The following FAT4 variants were observed in gnomAD, a reference collection of about 807,000 sequenced individuals.
FAT4 encodes protocadherin Fat 4.
Under a neutral mutation model 303.9 loss-of-function variants are expected in FAT4, and 84 were observed. That is an observed-to-expected ratio of 0.28 (90% CI 0.23 to 0.33). The LOEUF is 0.33. FAT4 is among the 10% of genes least tolerant of loss of function. FAT4 has a pLI of 1.00. For missense variants in FAT4, 6,005 were observed against 6,146.8 expected (o/e 0.98, Z 0.77); for synonymous variants, 2,307 against 2,298.8 (o/e 1.00, Z -0.10).
chr4:125,397,652 TA>T (rs1734235186), intron 2 of FAT4, among the ~76,000 whole-genome samples: 1 of 152,204 alleles, frequency 6.6e-6, no homozygotes, highest in Non-Finnish European at 1.5e-5. Context: ...TCTATTTTTA[TA>T]AATTGCTCAT....
At position 125,320,048 on chromosome 4, in the gene FAT4, G is replaced by C; in HGVS notation, c.3637G>C (p.Asp1213His). Residue 1213 changes from aspartate (D) to histidine (H), a missense_variant, in exon 2 of 18, where the codon GAC becomes CAC. Asp to His is a moderately conservative substitution (Grantham distance 81). Coordinates refer to ENST00000394329, the MANE Select transcript of FAT4 (RefSeq NM_001291303.3). ...INDNAPKFLK[D>H]FYQATISESA... is the part of the protein sequence containing the mutation. ...TGATAATGCTCCCAAATTTTTAAAA[G>C]ACTTTTACCAAGCTACAATATCAGA... The C allele has an allele frequency of 6.2e-7, 1 of 1,613,726 alleles. No homozygotes were observed. Among genetic ancestry groups the C allele is most frequent in the Non-Finnish European group, 8.5e-7 (1 of 1,180,008 alleles).
intron 17 of FAT4, among the ~76,000 whole-genome samples, chr4:125,488,150 G>T (rs1010538500): frequency 6.6e-6 from 1 of 152,182 alleles, no homozygotes; most frequent in Non-Finnish European, 1.5e-5. Flanking sequence ...TGATGAGGAG[G>T]ATGAAAGTGT....
chr4:125,417,808 G>A (rs944761523), intron 7 of FAT4, among the ~76,000 whole-genome samples: 3 of 152,088 alleles, frequency 2.0e-5, no homozygotes, highest in Admixed American at 6.6e-5. Context: ...ACTGTTTTTC[G>A]AGTCGCTCTG....
intron 2 of FAT4, among the ~76,000 whole-genome samples, chr4:125,391,994 G>A (rs1912044): frequency 0.52 from 78,948 of 151,928 alleles, 21,068 homozygotes; most frequent in East Asian, 0.78. Context: ...GAATGAGCAG[G>A]ACACATTATT....
intron 12 of FAT4, among the ~76,000 whole-genome samples, chr4:125,472,004 C>T (rs1479332668): frequency 7.6e-6 from 1 of 131,828 alleles, no homozygotes; most frequent in Non-Finnish European, 1.6e-5. Context: ...ACCTGGGAGG[C>T]GGAGCTTGCA....
chr4:125,330,386 A>T (rs66521245), intron 2 of FAT4, among the ~76,000 whole-genome samples: 76,930 of 151,976 alleles, frequency 0.51, 20,278 homozygotes, highest in Non-Finnish European at 0.59. Flanking sequence ...TTATCTCCTC[A>T]CATGTTAAAT....
At chr4:125,327,414 A>G (rs962710132) in intron 2 of FAT4, among the ~76,000 whole-genome samples, 14 of 152,148 alleles carry the variant, frequency 9.2e-5, no homozygotes, top group African/African-American at 3.4e-4. Flanking sequence ...TAAATAGGAA[A>G]ACATTTTACT....
chr4:125,324,592 C>A lies in FAT4; in HGVS notation c.5175+3006C>A, dbSNP rs1287645702. Among the ~76,000 whole-genome samples, 3 of 152,150 alleles carry A rather than the reference C, an allele frequency of 2.0e-5. No homozygotes were observed. The South Asian group carries it at 6.2e-4, about 32-fold the overall frequency. ...CTCTGCTCTACAAATGAATTGATAA[C>A]TGTCAGGAAACTCAACAAGGAAGAG... On this transcript the variant is annotated intron_variant, in intron 2 of 17. Coordinates refer to ENST00000394329, the MANE Select transcript of FAT4 (RefSeq NM_001291303.3).
intron 16 of FAT4, among the ~76,000 whole-genome samples, chr4:125,483,718 A>C (rs1727306274): frequency 6.6e-6 from 1 of 152,148 alleles, no homozygotes; most frequent in African/African-American, 2.4e-5. Context: ...TTTTGAAAAG[A>C]AGCTTTTCAA....
At chr4:125,342,282 ATCTTG>A (rs1329892680) in intron 2 of FAT4, among the ~76,000 whole-genome samples, 1 of 152,058 alleles carries the variant, frequency 6.6e-6, no homozygotes, top group Non-Finnish European at 1.5e-5. Context: ...CATCAAACAG[ATCTTG>A]TCTTATCAAT....
At chr4:125,463,197 A>G (rs564203387) in intron 10 of FAT4, among the ~76,000 whole-genome samples, 1 of 152,124 alleles carries the variant, frequency 6.6e-6, no homozygotes, top group South Asian at 2.1e-4. Context: ...AGTGAAAAGA[A>G]TACTGTAAGT....
rs193166248 is a variant in FAT4 at position 125,363,493 on chromosome 4, T to A, written c.5176-35291T>A. ...ATTCTATATCAATATAGCTTTTTTT[T>A]AATTTATATATATATTTTTTTGAGA... On this transcript the variant is annotated intron_variant, in intron 2 of 17. Transcript: ENST00000394329. Among the ~76,000 whole-genome samples the A allele has an allele frequency of 2.5e-3, 386 of 151,918 alleles. 1 individual carries two copies. Among genetic ancestry groups the A allele is most frequent in the African/African-American group, 6.5e-3 (269 of 41,520 alleles).
intron 2 of FAT4, among the ~76,000 whole-genome samples, chr4:125,383,934 G>T (rs1183698544): frequency 6.6e-6 from 1 of 152,160 alleles, no homozygotes; most frequent in Non-Finnish European, 1.5e-5. Context: ...GTCTATCATT[G>T]TCACTGCCCT....
At chr4:125,430,567 T>A (rs141234224) in intron 7 of FAT4, among the ~76,000 whole-genome samples, 18 of 151,938 alleles carry the variant, frequency 1.2e-4, no homozygotes, top group South Asian at 4.2e-4. Context: ...TGAAAAAAAA[T>A]TTTTAAAACT....
chr4:125,432,984 A>C (rs1391001925), intron 7 of FAT4, among the ~76,000 whole-genome samples: 1 of 152,174 alleles, frequency 6.6e-6, no homozygotes, highest in Admixed American at 6.5e-5. Flanking sequence ...AAACCATTTC[A>C]TTCCATAATT....
At chr4:125,354,752 G>GAAAA (rs35163847) in intron 2 of FAT4, among the ~76,000 whole-genome samples, 1 of 135,218 alleles carries the variant, frequency 7.4e-6, no homozygotes, top group Non-Finnish European at 1.6e-5. Flanking sequence ...AGAGTTTAAT[G>GAAAA]AAAAAAAAAA....
rs1186728415 is a variant in FAT4 at position 125,319,029 on chromosome 4, T to C, written c.2618T>C (p.Val873Ala). The change falls in exon 2 of 18, where the codon GTG becomes GCG. Residue 873 changes from valine to alanine, a missense_variant. Transcript: ENST00000394329. ...AAGGTAGTGGCCAGTGGGGGCACAGTGACTGGAGACACTATGGTTAACATA... is the reference window on the plus strand; with the variant it reads ...AAGGTAGTGGCCAGTGGGGGCACAGCGACTGGAGACACTATGGTTAACATA... Reference protein sequence around the residue: ...QLKVVASGGTVTGDTMVNITV... With the variant: ...QLKVVASGGTATGDTMVNITV... 3.7e-6 allele frequency: 6 copies of C among 1,614,028 alleles called. No homozygotes were observed. Among genetic ancestry groups the C allele is most frequent in the Non-Finnish European group, 5.1e-6 (6 of 1,180,038 alleles).
chr4:125,366,907 A>T (rs2125988886), intron 2 of FAT4, among the ~76,000 whole-genome samples: 1 of 151,958 alleles, frequency 6.6e-6, no homozygotes, highest in South Asian at 2.1e-4. Flanking sequence ...TTTTTTTGAA[A>T]AGTGTCTGTT....
chr4:125,463,570 G>T lies in FAT4; in HGVS notation c.11808G>T (p.Met3936Ile). The T allele has an allele frequency of 6.3e-7, 1 of 1,575,120 alleles. No homozygotes were observed. Among genetic ancestry groups the T allele is most frequent in the Non-Finnish European group, 8.7e-7 (1 of 1,155,910 alleles). ...GAATTTGATATATTTTAGGGAAAAT[G>T]TGTGAATCTTCAGTCAATTACTGTG... Reference protein sequence around the residue: ...CVCKTGYTGKMCESSVNYCEC... With the variant: ...CVCKTGYTGKICESSVNYCEC... Residue 3936 changes from methionine to isoleucine, a missense_variant, in exon 11 of 18, where the codon ATG becomes ATT. Met to Ile is a conservative substitution (Grantham distance 10, BLOSUM62 1). Coordinates refer to ENST00000394329, the MANE Select transcript of FAT4 (RefSeq NM_001291303.3).
Sources: gnomAD v4.1 joint callset for allele counts (sites outside exome capture counted in the v4.1 genomes callset) on GRCh38, gnomAD v4.1.1 for gene constraint, MANE v1.5 for transcripts, NCBI Gene and HGNC (gene_info 2026-07-23, HGNC 2026-07-21) for gene names.